The following NOP14 variants were observed in gnomAD, a reference collection of about 807,000 sequenced individuals.
NOP14 encodes the protein NOP14 nucleolar protein, also known as nucleolar protein 14.
NOP14 carries 57 observed loss-of-function variants against 101.6 expected under a neutral mutation model. The ratio of observed to expected loss-of-function variants is 0.56; its 90% CI spans 0.45 to 0.70. The LOEUF (loss-of-function observed/expected upper bound fraction) is 0.70, where lower values mean the gene tolerates loss of function less well. Ranked by LOEUF, NOP14 falls within the 30% of genes least tolerant of loss-of-function variation. NOP14 has a pLI of 0.00. For synonymous variants in NOP14, 428 were observed against 424.0 expected (o/e 1.01, Z -0.12); for missense variants, 1,134 against 1,075.5 (o/e 1.05, Z -0.76).
chr4:2,953,715 A>C, intron 4 of NOP14, 70 bp from the exon 5 acceptor site: 2 of 1,572,554 alleles, frequency 1.3e-6, no homozygotes, highest in Admixed American at 1.7e-5. Context: ...GCCCAATGTC[A>C]GTGCCAAGGA....
intron 6 of NOP14, 22 bp from the exon 7 acceptor site, chr4:2,951,267 G>A: frequency 6.2e-7 from 1 of 1,611,406 alleles, no homozygotes; most frequent in Non-Finnish European, 8.5e-7. Flanking sequence ...GGAATGAGAT[G>A]TCTTAGAGCA....
intron 12 of NOP14, 53 bp from the exon 13 acceptor site, chr4:2,944,279 T>C (rs1714444533): frequency 6.4e-7 from 1 of 1,557,140 alleles, no homozygotes; most frequent in African/African-American, 1.4e-5. Flanking sequence ...CATGCCATGC[T>C]AGGCCGACCA....
At chr4:2,948,459 A>G (rs772271208) in intron 8 of NOP14, 51 bp from the exon 9 acceptor site, 4 of 1,393,414 alleles carry the variant, frequency 2.9e-6, no homozygotes, top group Non-Finnish European at 3.8e-6. Context: ...ATATATGTAT[A>G]TATATTTATT....
intron 4 of NOP14, among the ~76,000 whole-genome samples, 181 bp from the exon 5 acceptor site, chr4:2,953,826 C>T (rs980005037): frequency 1.3e-5 from 2 of 152,148 alleles, no homozygotes; most frequent in African/African-American, 4.8e-5. Flanking sequence ...TCTCATCAGA[C>T]GGAAATCTTT....
In NOP14 at chr4:2,938,908, C is replaced by T. The variant is rs780353703; in HGVS notation, c.2497G>A (p.Val833Ile). 31 of 1,614,044 alleles carry T rather than the reference C, an allele frequency of 1.9e-5. No homozygotes were observed. The highest frequency in any genetic ancestry group is 2.5e-5 in the Non-Finnish European group (29 of 1,180,022). ...GCCAGGCTGTTAAAAAGCTGCTTTA[C>T]TTTCCGCTTTCTTTCCGCATCCCTA... Reference protein sequence around the residue: ...MERDAERKRKVKQLFNSLATQ... With the variant: ...MERDAERKRKIKQLFNSLATQ... Residue 833 changes from valine to isoleucine, a missense_variant, in exon 18 of 18, where the codon GTA becomes ATA. Coordinates refer to ENST00000416614, the MANE Select transcript of NOP14 (RefSeq NM_001291978.2).
intron 15 of NOP14, 152 bp from the exon 16 acceptor site, chr4:2,939,797 G>C: frequency 1.4e-6 from 1 of 700,852 alleles, no homozygotes; most frequent in Admixed American, 1.9e-5. Flanking sequence ...CTACCGGTGG[G>C]CGGGGGGGTA....
intron 12 of NOP14, 119 bp downstream of exon 12, chr4:2,945,009 G>T: frequency 1.5e-6 from 1 of 677,434 alleles, no homozygotes; most frequent in Non-Finnish European, 2.5e-6. Flanking sequence ...TAACCGCAGT[G>T]CTCGGTCTCT....
chr4:2,955,606 G>A (rs1183965564), intron 3 of NOP14, among the ~76,000 whole-genome samples: 1 of 152,030 alleles, frequency 6.6e-6, no homozygotes, highest in Non-Finnish European at 1.5e-5. Context: ...GCGCCTCCTG[G>A]CAATGAGGGG....
rs1713828664 is a variant in NOP14, at chr4:2,938,375, C to T, written c.*456G>A. Reference sequence around the variant, plus strand: ...GTCTCTACTAAAAATACAAAATTAGCTGGGCGTGGTGGCACATGTCTGTAA... The same window carrying T: ...GTCTCTACTAAAAATACAAAATTAGTTGGGCGTGGTGGCACATGTCTGTAA... On this transcript the variant is annotated 3_prime_UTR_variant, in exon 18 of 18. Transcript: ENST00000416614. 4.7e-6 allele frequency: 2 copies of T among 423,692 alleles called. No individual in the cohort carries two copies. Among genetic ancestry groups the T allele is most frequent in the Admixed American group, 3.1e-5 (1 of 32,182 alleles). 26.2% of individuals were successfully genotyped at this position (423,692 alleles called of 1,614,324 possible).
chr4:2,946,867 C>G (rs544996638), intron 10 of NOP14: 2 of 354,734 alleles, frequency 5.6e-6, no homozygotes, highest in Non-Finnish European at 1.1e-5. Context: ...TTATTCCTCA[C>G]GACAGGTACT....
At chr4:2,955,450 C>A (rs1715287977) in intron 3 of NOP14, among the ~76,000 whole-genome samples, 1 of 131,898 alleles carries the variant, frequency 7.6e-6, no homozygotes, top group African/African-American at 2.9e-5. Context: ...GTCACCTGCA[C>A]CACAGCGCCC....
intron 14 of NOP14, 109 bp downstream of exon 14, chr4:2,942,083 G>C: frequency 8.7e-7 from 1 of 1,151,244 alleles, no homozygotes; most frequent in Non-Finnish European, 1.2e-6. Context: ...AAACCAAACG[G>C]CCGGGCGGCA....
chr4:2,961,323 TTAATA>T (rs1715886386), intron 1 of NOP14: 1 of 5,056 alleles, frequency 2.0e-4, no homozygotes, highest in African/African-American at 6.8e-4. Flanking sequence ...AAGAACTACA[TTAATA>T]TAACTTATTT....
intron 7 of NOP14, 62 bp downstream of exon 7, chr4:2,951,052 C>T: frequency 6.8e-7 from 1 of 1,467,288 alleles, no homozygotes; most frequent in Non-Finnish European, 9.2e-7. Context: ...AAATGAATAC[C>T]AAAAAAATGT....
chr4:2,959,364 G>A (rs6830234), intron 1 of NOP14, among the ~76,000 whole-genome samples: 1,674 of 152,260 alleles, frequency 0.011, 32 homozygotes, highest in African/African-American at 0.039. Flanking sequence ...AGGCCAAGGC[G>A]GGCGGATCAC....
At chr4:2,949,635 T>C (rs998538627) in intron 8 of NOP14, among the ~76,000 whole-genome samples, 31 of 152,174 alleles carry the variant, frequency 2.0e-4, no homozygotes, top group African/African-American at 7.5e-4. Context: ...TCCCCAGCCC[T>C]GCCCCTCTGG....
rs373922464 is a variant in NOP14, at chr4:2,939,664, C to T, written c.2200-19G>A. ...ACAGCTCCTGAAAAACACGAAATCCCCGACTCTGCGATGACTCACCTGCTG... is the reference window on the plus strand; with the variant it reads ...ACAGCTCCTGAAAAACACGAAATCCTCGACTCTGCGATGACTCACCTGCTG... On this transcript the variant is annotated intron_variant, in intron 15 of 17. Transcript: ENST00000416614. 7 of 1,588,704 alleles carry T rather than the reference C, an allele frequency of 4.4e-6. No homozygotes were observed. The highest frequency in any genetic ancestry group is 6.0e-6 in the Non-Finnish European group (7 of 1,157,244).
At chr4:2,942,452 G>A (rs545060361) in intron 13 of NOP14, 101 bp from the exon 14 acceptor site, 37 of 1,188,576 alleles carry the variant, frequency 3.1e-5, no homozygotes, top group Non-Finnish European at 4.0e-5. Context: ...TCTAACAGAC[G>A]CACACCGATT....
Position 2,963,166 on chromosome 4 carries a change from C to G in NOP14, c.154G>C (p.Val52Leu). The change falls in exon 1 of 18, where the codon GTG becomes CTG. Residue 52 changes from valine (V) to leucine (L), a missense_variant. By Grantham distance (32) the Val-to-Leu change is conservative. Coordinates refer to ENST00000416614, the MANE Select transcript of NOP14 (RefSeq NM_001291978.2). ...GCGCGAGACACCCCGGGCAGTCCCA[C>G]GTCGTGGCGCGTCTTCCGGCCCAGG... ...QILGRKTRHDVGLPGVSRARA... is the reference protein window; with the variant it reads ...QILGRKTRHDLGLPGVSRARA... The G allele has an allele frequency of 1.3e-6, 2 of 1,579,100 alleles. No individual in the cohort carries two copies. The highest frequency in any genetic ancestry group is 1.7e-6 in the Non-Finnish European group (2 of 1,165,522).
Sources: allele counts gnomAD v4.1 joint callset (sites outside exome capture counted in the v4.1 genomes callset), GRCh38; gene constraint gnomAD v4.1.1; transcripts MANE v1.5; gene names NCBI Gene and HGNC (gene_info 2026-07-23, HGNC 2026-07-21).